Variants in DLGAP1 observed in about 807,000 individuals in gnomAD.
DLGAP1 encodes the protein DLG associated protein 1.
In DLGAP1, 11 loss-of-function variants were observed where a neutral mutation model predicts 90.8. The observed-to-expected ratio is 0.12, with a 90% CI of 0.08 to 0.20. The LOEUF (loss-of-function observed/expected upper bound fraction) is 0.20, where lower values mean the gene tolerates loss of function less well. DLGAP1 is among the 10% of genes least tolerant of loss of function. The probability of loss-of-function intolerance (pLI) is 1.00; values close to 1 mark genes in which losing one functional copy is unlikely to be tolerated. For missense variants in DLGAP1, 1,050 were observed against 1,333.8 expected (o/e 0.79, Z 3.31); for synonymous variants, 558 against 540.7 (o/e 1.03, Z -0.44).
At chr18:3,715,826 T>C (rs1335987968) in intron 7 of DLGAP1, among the ~76,000 whole-genome samples, 2 of 152,172 alleles carry the variant, frequency 1.3e-5, no homozygotes, top group South Asian at 2.1e-4. Flanking sequence ...TGGTTTTATG[T>C]AGCTTTATTC....
chr18:3,578,774 C>A (rs2055312933), intron 8 of DLGAP1, among the ~76,000 whole-genome samples: 1 of 151,946 alleles, frequency 6.6e-6, no homozygotes, highest in Non-Finnish European at 1.5e-5. Flanking sequence ...AGTTTTCCAA[C>A]CTCTCTGTGC....
At chr18:3,784,737 C>T (rs144837315) in intron 5 of DLGAP1, among the ~76,000 whole-genome samples, 21 of 152,148 alleles carry the variant, frequency 1.4e-4, no homozygotes, top group African/African-American at 4.8e-4. Flanking sequence ...GGGGAAAAGG[C>T]GCTGCCAGAA....
intron 5 of DLGAP1, chr18:3,771,424 G>A (rs913118115): frequency 5.3e-5 from 8 of 152,272 alleles, no homozygotes; most frequent in Admixed American, 4.6e-4. Flanking sequence ...GTAGGTCCAG[G>A]GGAGCTGAGA....
At chr18:4,310,694 T>C (rs1487373959) in intron 1 of DLGAP1, among the ~76,000 whole-genome samples, 1 of 152,204 alleles carries the variant, frequency 6.6e-6, no homozygotes, top group Non-Finnish European at 1.5e-5. Flanking sequence ...GTCTGGCATA[T>C]AACGATGCAC....
intron 2 of DLGAP1, among the ~76,000 whole-genome samples, chr18:4,034,307 G>T (rs1444411798): frequency 6.6e-6 from 1 of 152,046 alleles, no homozygotes; most frequent in Non-Finnish European, 1.5e-5. Flanking sequence ...CTCCCAAAGG[G>T]CTGGGATTAC....
chr18:4,418,793 T>G (rs1421196536), intron 1 of DLGAP1, among the ~76,000 whole-genome samples: 2 of 151,898 alleles, frequency 1.3e-5, no homozygotes, highest in Non-Finnish European at 2.9e-5. Flanking sequence ...GAACAAACAT[T>G]TGAAGAAATC....
chr18:4,073,515 C>T (rs942922590), intron 2 of DLGAP1, among the ~76,000 whole-genome samples: 9 of 151,912 alleles, frequency 5.9e-5, no homozygotes, highest in Non-Finnish European at 5.9e-5. Flanking sequence ...GCAGTGCTAT[C>T]GGAGGATAAT....
intron 1 of DLGAP1, among the ~76,000 whole-genome samples, chr18:4,427,447 C>G (rs1046681761): frequency 6.6e-6 from 1 of 152,202 alleles, no homozygotes; most frequent in Non-Finnish European, 1.5e-5. Flanking sequence ...CACATCTTCT[C>G]AGTTCTCTAC....
intron 1 of DLGAP1, among the ~76,000 whole-genome samples, chr18:4,358,114 C>A (rs1364779168): frequency 6.6e-6 from 1 of 152,180 alleles, no homozygotes; most frequent in Admixed American, 6.5e-5. Context: ...GTTCTAGACA[C>A]TGGAGATAAA....
chr18:4,281,917 T>C (rs548783167), intron 1 of DLGAP1, among the ~76,000 whole-genome samples: 1 of 152,222 alleles, frequency 6.6e-6, no homozygotes, highest in African/African-American at 2.4e-5. Flanking sequence ...GTGAAACATC[T>C]ATAATGTAAG....
At chr18:3,774,981 A>G (rs1013837579) in intron 5 of DLGAP1, among the ~76,000 whole-genome samples, 1 of 152,198 alleles carries the variant, frequency 6.6e-6, no homozygotes, top group Non-Finnish European at 1.5e-5. Context: ...CTGAACTCAT[A>G]TCGCAGGAAG....
At chr18:3,636,726 C>CT (rs10606915) in intron 7 of DLGAP1, among the ~76,000 whole-genome samples, 43,685 of 121,134 alleles carry the variant, frequency 0.36, 8,333 homozygotes, top group East Asian at 0.75. Context: ...ACTTTTACAT[C>CT]TTTTTTTTTT....
chr18:3,765,352 G>T (rs1028580191), intron 5 of DLGAP1, among the ~76,000 whole-genome samples: 17 of 150,228 alleles, frequency 1.1e-4, no homozygotes, highest in African/African-American at 3.9e-4. Context: ...GGATGGTCTC[G>T]ATCTCCTGAC....
chr18:4,343,281 T>TG (rs2081236680), intron 1 of DLGAP1, among the ~76,000 whole-genome samples: 1 of 141,874 alleles, frequency 7.0e-6, no homozygotes, highest in Non-Finnish European at 1.5e-5. Context: ...CACTCCAGCC[T>TG]GGGCGACAGA....
At chr18:4,402,092 AG>A (rs1028892856) in intron 1 of DLGAP1, among the ~76,000 whole-genome samples, 7 of 152,184 alleles carry the variant, frequency 4.6e-5, no homozygotes, top group African/African-American at 1.7e-4. Context: ...ATCCAATAGC[AG>A]GGGGCTACTG....
chr18:4,234,590 ATATTT>A (rs2078366175), intron 1 of DLGAP1, among the ~76,000 whole-genome samples: 1 of 152,200 alleles, frequency 6.6e-6, no homozygotes, highest in Non-Finnish European at 1.5e-5. Flanking sequence ...TAAATGGAAA[ATATTT>A]TATATAATAC....
rs546167703 is a variant in DLGAP1 at position 4,437,089 on chromosome 18, A to T, written c.-267+17917T>A. On this transcript the variant is annotated intron_variant, in intron 1 of 12. Transcript: ENST00000315677. The stretch of plus-strand genomic sequence containing the variant: ...AAACAACAATAAAGCAGCCAAGGGG[A>T]AAATCCAATAAAGTTTCTGAGGAAT... 5.9e-5 allele frequency among the ~76,000 whole-genome samples: 9 copies of T among 152,366 alleles called. No individual in the cohort carries two copies. In the South Asian group the frequency reaches 1.9e-3, roughly 32 times the overall value.
At chr18:4,252,698 G>A (rs2078807811) in intron 1 of DLGAP1, among the ~76,000 whole-genome samples, 1 of 152,058 alleles carries the variant, frequency 6.6e-6, no homozygotes, top group East Asian at 1.9e-4. Context: ...CTTCAATTTC[G>A]ACCGTAATAA....
chr18:3,957,895 T>C (rs1243215471), intron 3 of DLGAP1, among the ~76,000 whole-genome samples: 1 of 139,826 alleles, frequency 7.2e-6, no homozygotes, highest in African/African-American at 2.7e-5. Context: ...TATTCCATAC[T>C]TTTTTTTTTT....
Sources: gnomAD v4.1 joint callset for allele counts (sites outside exome capture counted in the v4.1 genomes callset) on GRCh38, gnomAD v4.1.1 for gene constraint, MANE v1.5 for transcripts, NCBI Gene and HGNC (gene_info 2026-07-23, HGNC 2026-07-21) for gene names.